The following SLC25A21 variants were observed in gnomAD, a reference collection of about 807,000 sequenced individuals.
SLC25A21 encodes the protein mitochondrial 2-oxodicarboxylate carrier.
A neutral mutation model predicts 43.8 loss-of-function variants in SLC25A21; 47 were observed. The observed-to-expected ratio is 1.07, with a 90% CI of 0.85 to 1.37. SLC25A21 has a LOEUF of 1.37. SLC25A21 is among the 40% of genes most tolerant of loss of function. The pLI, the probability that SLC25A21 is intolerant of heterozygous loss-of-function variation, is 0.00. For missense variants in SLC25A21, 352 were observed against 350.2 expected (o/e 1.00, Z -0.04); for synonymous variants, 131 against 121.3 (o/e 1.08, Z -0.52).
intron 1 of SLC25A21, among the ~76,000 whole-genome samples, chr14:37,155,751 T>C (rs780535813): frequency 2.0e-5 from 3 of 152,160 alleles, no homozygotes; most frequent in African/African-American, 4.8e-5. Context: ...AATAAAGGCA[T>C]TCCCAGACAA....
chr14:37,024,998 A>G lies in SLC25A21; in HGVS notation c.70+147283T>C, dbSNP rs974393087. Among the ~76,000 whole-genome samples, 34 of 152,278 alleles carry G rather than the reference A, an allele frequency of 2.2e-4. 1 individual carries two copies. Among genetic ancestry groups the G allele is most frequent in the African/African-American group, 7.9e-4 (33 of 41,580 alleles). On this transcript the variant is annotated intron_variant, in intron 1 of 9. Transcript: ENST00000331299. ...ATACACTGGATACATAATATTCAAA[A>G]TTAACACTGTCTAGAATTTGTTATT...
At chr14:36,954,520 AT>A (rs1326304501) in intron 1 of SLC25A21, among the ~76,000 whole-genome samples, 3 of 151,562 alleles carry the variant, frequency 2.0e-5, no homozygotes, top group Admixed American at 6.6e-5. Context: ...TATATATTTA[AT>A]TGGAATTATA....
At chr14:36,759,245 A>C (rs1248427060) in intron 3 of SLC25A21, among the ~76,000 whole-genome samples, 85 of 152,168 alleles carry the variant, frequency 5.6e-4, no homozygotes, top group Non-Finnish European at 2.5e-4. Flanking sequence ...GAATATGCTC[A>C]TTTGAGTGGG....
rs151286423 is a variant in SLC25A21, at chr14:36,766,941, G to A, written c.204-32368C>T. Among the ~76,000 whole-genome samples the A allele has an allele frequency of 6.2e-3, 947 of 152,110 alleles. 6 individuals are homozygous for A. The highest frequency in any genetic ancestry group is 0.019 in the African/African-American group (806 of 41,502). ...TAGTATCTTCTTCAGCCTCTACTGCGGTCAATATCTCCAACGTGCCTAATA... is the reference window on the plus strand; with the variant it reads ...TAGTATCTTCTTCAGCCTCTACTGCAGTCAATATCTCCAACGTGCCTAATA... On this transcript the variant is annotated intron_variant, in intron 3 of 9. Transcript: ENST00000331299.
chr14:36,797,541 T>TG (rs1887717390), intron 3 of SLC25A21, among the ~76,000 whole-genome samples: 2 of 152,248 alleles, frequency 1.3e-5, no homozygotes, highest in African/African-American at 4.8e-5. Context: ...ATAAGCAGTA[T>TG]GCTTTAGATT....
chr14:36,938,119 T>G (rs1462921838), intron 1 of SLC25A21, among the ~76,000 whole-genome samples: 2 of 152,188 alleles, frequency 1.3e-5, no homozygotes, highest in Non-Finnish European at 2.9e-5. Context: ...TGATTTAGAT[T>G]GTTTTCTCAA....
At chr14:36,917,902 G>A (rs1283129071) in intron 1 of SLC25A21, among the ~76,000 whole-genome samples, 2 of 152,076 alleles carry the variant, frequency 1.3e-5, no homozygotes, top group African/African-American at 4.8e-5. Flanking sequence ...TGAAGAGGAT[G>A]TTAAATGTTC....
chr14:37,135,479 C>T (rs1963465109), intron 1 of SLC25A21, among the ~76,000 whole-genome samples: 1 of 151,178 alleles, frequency 6.6e-6, no homozygotes, highest in Admixed American at 6.6e-5. Flanking sequence ...CCCCCACCCT[C>T]GGCCTCCCAA....
At chr14:36,900,870 CTG>C (rs1178560924) in intron 1 of SLC25A21, among the ~76,000 whole-genome samples, 3 of 152,196 alleles carry the variant, frequency 2.0e-5, no homozygotes, top group Non-Finnish European at 4.4e-5. Flanking sequence ...ATTATTAAAA[CTG>C]TGAACTGCTT....
At chr14:36,872,860 A>C (rs1207741538) in intron 2 of SLC25A21, among the ~76,000 whole-genome samples, 1 of 152,228 alleles carries the variant, frequency 6.6e-6, no homozygotes. Flanking sequence ...AAAATGATAC[A>C]GCTTTTGAAG....
chr14:36,782,831 T>C (rs572599379), intron 3 of SLC25A21, among the ~76,000 whole-genome samples: 3,254 of 148,258 alleles, frequency 0.022, 105 homozygotes, highest in African/African-American at 0.062. Flanking sequence ...AGGGATAGCA[T>C]TGGGAGATAT....
chr14:37,085,608 T>C (rs922022269), intron 1 of SLC25A21, among the ~76,000 whole-genome samples: 1 of 152,204 alleles, frequency 6.6e-6, no homozygotes, highest in African/African-American at 2.4e-5. Context: ...AAAATCTCTT[T>C]GTCTAGGAGT....
intron 5 of SLC25A21, among the ~76,000 whole-genome samples, chr14:36,726,352 G>A (rs1296848983): frequency 6.6e-6 from 1 of 152,186 alleles, no homozygotes; most frequent in East Asian, 1.9e-4. Context: ...AGGATCACTT[G>A]AGCCTAAGAG....
intron 1 of SLC25A21, among the ~76,000 whole-genome samples, chr14:37,108,742 T>C (rs1024602953): frequency 2.1e-5 from 3 of 141,330 alleles, no homozygotes; most frequent in South Asian, 2.2e-4. Flanking sequence ...TGTGTGTGCG[T>C]GTGTGTGTTG....
chr14:37,114,251 C>T (rs1251154280), intron 1 of SLC25A21, among the ~76,000 whole-genome samples: 12 of 152,138 alleles, frequency 7.9e-5, no homozygotes, highest in Non-Finnish European at 1.3e-4. Flanking sequence ...CACCCTCAGA[C>T]AAAAGTAGGA....
At chr14:36,920,782 C>T (rs1448413746) in intron 1 of SLC25A21, among the ~76,000 whole-genome samples, 1 of 152,042 alleles carries the variant, frequency 6.6e-6, no homozygotes, top group Non-Finnish European at 1.5e-5. Context: ...AATCCAGACA[C>T]TCAACAAATA....
At position 36,680,591 on chromosome 14, in the gene SLC25A21, T is replaced by TCTC; in HGVS notation, c.*64_*66dup. ...TTATACACCTGGCCGATCGATAGTC[T>TCTC]CTCTTCTTCATGGTGCTGCATAGCA... is the stretch of plus-strand genomic sequence containing the variant. On this transcript the variant is annotated 3_prime_UTR_variant, in exon 10 of 10. Coordinates refer to ENST00000331299, the MANE Select transcript of SLC25A21 (RefSeq NM_030631.4). 6.4e-7 allele frequency: 1 copy of TCTC among 1,556,124 alleles called. No individual in the cohort carries two copies. Among genetic ancestry groups the TCTC allele is most frequent in the Non-Finnish European group, 8.7e-7 (1 of 1,151,254 alleles).
chr14:37,083,017 C>T (rs183745833), intron 1 of SLC25A21, among the ~76,000 whole-genome samples: 45 of 152,298 alleles, frequency 3.0e-4, no homozygotes, highest in African/African-American at 8.9e-4. Flanking sequence ...CACCAGGAAA[C>T]GCTCAACTGT....
chr14:36,783,002 A>G (rs2138382447), intron 3 of SLC25A21, among the ~76,000 whole-genome samples: 1 of 150,998 alleles, frequency 6.6e-6, no homozygotes, highest in African/African-American at 2.4e-5. Context: ...AATAAAAATA[A>G]AAATAAAAAA....
Sources: allele counts gnomAD v4.1 joint callset (sites outside exome capture counted in the v4.1 genomes callset), GRCh38; gene constraint gnomAD v4.1.1; transcripts MANE v1.5; gene names NCBI Gene and HGNC (gene_info 2026-07-23, HGNC 2026-07-21).